The following COG5 variants were observed in gnomAD, a reference collection of about 807,000 sequenced individuals.
The protein encoded by COG5 is component of oligomeric golgi complex 5.
In COG5, 86 loss-of-function variants were observed where a neutral mutation model predicts 110.4. The ratio of observed to expected loss-of-function variants is 0.78; its 90% confidence interval spans 0.65 to 0.93. COG5 has a LOEUF of 0.93. COG5 is among the 40% of genes least tolerant of loss of function. The probability of loss-of-function intolerance (pLI) is 0.00; values close to 1 mark genes in which losing one functional copy is unlikely to be tolerated. For synonymous variants in COG5, 360 were observed against 334.6 expected (o/e 1.08, Z -0.83); for missense variants, 1,077 against 987.0 (o/e 1.09, Z -1.22).
intron 12 of COG5, among the ~76,000 whole-genome samples, chr7:107,297,693 C>T (rs1040263152): frequency 6.6e-6 from 1 of 152,092 alleles, no homozygotes; most frequent in Non-Finnish European, 1.5e-5. Flanking sequence ...GTGATCCACT[C>T]TGCTTTTTGT....
chr7:107,536,417 TG>T (rs1801587935), intron 5 of COG5, among the ~76,000 whole-genome samples: 1 of 152,144 alleles, frequency 6.6e-6, no homozygotes, highest in Non-Finnish European at 1.5e-5. Context: ...GCAACTTCAG[TG>T]AAGTCTCAGG....
chr7:107,478,806 T>C (rs532442463), intron 6 of COG5, among the ~76,000 whole-genome samples: 3 of 152,136 alleles, frequency 2.0e-5, no homozygotes, highest in Admixed American at 6.6e-5. Flanking sequence ...AGATTCCTCA[T>C]TGAACTGAAA....
chr7:107,478,583 G>T (rs1428307203), intron 6 of COG5, among the ~76,000 whole-genome samples: 2 of 151,884 alleles, frequency 1.3e-5, no homozygotes, highest in East Asian at 3.9e-4. Context: ...TTTATTATTA[G>T]TTGTTGTTAT....
intron 19 of COG5, among the ~76,000 whole-genome samples, chr7:107,223,235 C>A (rs912313754): frequency 6.6e-6 from 1 of 152,128 alleles, no homozygotes; most frequent in Middle Eastern, 3.2e-3. Flanking sequence ...GCACAGGTGG[C>A]CATGCTCTCT....
chr7:107,550,125 C>T lies in COG5; in HGVS notation c.293-1793G>A, dbSNP rs531299820. Among the ~76,000 whole-genome samples, 16 of 152,236 alleles carry T rather than the reference C, an allele frequency of 1.1e-4. 1 individual carries two copies. In the South Asian group the frequency reaches 2.5e-3, roughly 24 times the overall value. ...TCTCCAGGCTATGTCATCTCCATTA[C>T]TCATACCATCATCTATCCAATTTTT... On this transcript the variant is annotated intron_variant, in intron 3 of 21. Coordinates refer to ENST00000297135, the MANE Select transcript of COG5 (RefSeq NM_006348.5).
chr7:107,504,546 C>A (rs1439208110), intron 6 of COG5, among the ~76,000 whole-genome samples: 4 of 152,142 alleles, frequency 2.6e-5, no homozygotes, highest in Admixed American at 2.6e-4. Context: ...CTTTCTCAAT[C>A]TTTTGCAATA....
intron 11 of COG5, among the ~76,000 whole-genome samples, chr7:107,318,484 T>C (rs1281965130): frequency 6.6e-6 from 1 of 152,248 alleles, no homozygotes; most frequent in African/African-American, 2.4e-5. Context: ...TAAATTAATA[T>C]GTGACAACAG....
In COG5 at chr7:107,202,962, AT is replaced by A. The variant is rs1319449169; in HGVS notation, c.*553del. 3 of 148,800 alleles carry A rather than the reference AT, an allele frequency of 2.0e-5. No homozygotes were observed. Among genetic ancestry groups the A allele is most frequent in the East Asian group, 2.0e-4 (1 of 5,110 alleles). The allele number at this position is 148,800 out of a possible 1,614,324, so 9.2% of individuals were successfully genotyped here. A position where few individuals can be genotyped will look rare whatever the true frequency, so the allele number is the denominator to read the frequency against. On this transcript the variant is annotated 3_prime_UTR_variant, in exon 22 of 22. Transcript: ENST00000297135. ...CTCAACTTTGTTGTCTATTGGAATCATTTTGGGGATTTTTTTTTTTTTTAAT... is the reference window on the plus strand; with the variant it reads ...CTCAACTTTGTTGTCTATTGGAATCATTTGGGGATTTTTTTTTTTTTTAAT...
intron 5 of COG5, among the ~76,000 whole-genome samples, chr7:107,544,280 A>G (rs1358168739): frequency 3.3e-5 from 5 of 152,014 alleles, no homozygotes; most frequent in Non-Finnish European, 7.4e-5. Context: ...CCCATCCCCA[A>G]GGTCCCAGGT....
At chr7:107,494,676 A>T (rs1798163673) in intron 6 of COG5, among the ~76,000 whole-genome samples, 1 of 152,346 alleles carries the variant, frequency 6.6e-6, no homozygotes, top group South Asian at 2.1e-4. Flanking sequence ...ATTTCTCAGA[A>T]CATATCCCCA....
chr7:107,463,622 G>C (rs1160493297), intron 6 of COG5, among the ~76,000 whole-genome samples: 1 of 152,136 alleles, frequency 6.6e-6, no homozygotes, highest in East Asian at 1.9e-4. Flanking sequence ...CTACATTTTA[G>C]CTTTTTAAAA....
Position 107,239,330 on chromosome 7 carries a change from G to A in COG5, c.1854-2643C>T, listed in dbSNP as rs186146516. Among the ~76,000 whole-genome samples the A allele has an allele frequency of 1.8e-4, 28 of 152,212 alleles. 1 individual carries two copies. In the East Asian group the frequency reaches 2.7e-3, roughly 15 times the overall value. ...TTCTGTTTCATTGGTCAATGCCAGC[G>A]CACCATGCCATTTTAATCATCATGT... On this transcript the variant is annotated intron_variant, in intron 17 of 21. Coordinates refer to ENST00000297135, the MANE Select transcript of COG5 (RefSeq NM_006348.5).
rs528783850 is a variant in COG5 at position 107,321,571 on chromosome 7, T to C, written c.1108+2869A>G. On this transcript the variant is annotated intron_variant, in intron 11 of 21. Coordinates refer to ENST00000297135, the MANE Select transcript of COG5 (RefSeq NM_006348.5). ...AAACCCTGTTGTACTGATGTAAACA[T>C]AGACATTCAGAAAAATGGAACCAAA... is the stretch of plus-strand genomic sequence containing the variant. Among the ~76,000 whole-genome samples the C allele has an allele frequency of 1.4e-4, 22 of 152,264 alleles. No homozygotes were observed. In the South Asian group the frequency reaches 1.7e-3, roughly 11 times the overall value.
chr7:107,226,478 T>C (rs1167136018), intron 19 of COG5, among the ~76,000 whole-genome samples: 4 of 152,248 alleles, frequency 2.6e-5, no homozygotes, highest in Non-Finnish European at 5.9e-5. Flanking sequence ...AATTAGGTTA[T>C]TAGAATAAAG....
chr7:107,227,601 T>C (rs1047443901), intron 19 of COG5, among the ~76,000 whole-genome samples: 4 of 151,956 alleles, frequency 2.6e-5, no homozygotes, highest in African/African-American at 9.7e-5. Context: ...GTGAAACTTA[T>C]CCTCAGACCT....
At chr7:107,303,698 C>T (rs888706782) in intron 11 of COG5, among the ~76,000 whole-genome samples, 2 of 152,160 alleles carry the variant, frequency 1.3e-5, no homozygotes, top group Admixed American at 6.5e-5. Flanking sequence ...ACCTCAGTCT[C>T]CCAAAGCACT....
chr7:107,225,443 C>T (rs935007818), intron 19 of COG5, among the ~76,000 whole-genome samples: 2 of 152,070 alleles, frequency 1.3e-5, no homozygotes, highest in African/African-American at 4.8e-5. Context: ...CCCCAAGTGA[C>T]AATCTTAGTC....
At chr7:107,507,095 T>C (rs1054256148) in intron 6 of COG5, among the ~76,000 whole-genome samples, 1 of 152,106 alleles carries the variant, frequency 6.6e-6, no homozygotes, top group South Asian at 2.1e-4. Context: ...CCCCTGTGGG[T>C]TGGATTGTCA....
chr7:107,228,641 AT>A (rs967050795), intron 19 of COG5, among the ~76,000 whole-genome samples: 5 of 152,176 alleles, frequency 3.3e-5, no homozygotes, highest in Admixed American at 1.3e-4. Context: ...TTTTAAAAAG[AT>A]TTGAGCTGAT....
Sources: gnomAD v4.1 joint callset for allele counts (sites outside exome capture counted in the v4.1 genomes callset) on GRCh38, gnomAD v4.1.1 for gene constraint, MANE v1.5 for transcripts, NCBI Gene and HGNC (gene_info 2026-07-23, HGNC 2026-07-21) for gene names.